CUTC: variants seen among roughly 807,000 people sequenced by gnomAD.
The protein encoded by CUTC is copper homeostasis protein cutC homolog.
Under a neutral mutation model 36.2 loss-of-function variants are expected in CUTC, and 27 were observed. That is an observed-to-expected ratio of 0.75 (90% CI 0.55 to 1.03). CUTC has a LOEUF of 1.03. Ranked by LOEUF, CUTC falls within the 50% of genes least tolerant of loss-of-function variation. The probability of loss-of-function intolerance (pLI) is 0.00; values close to 1 mark genes in which losing one functional copy is unlikely to be tolerated. For synonymous variants in CUTC, 114 were observed against 118.3 expected, an observed-to-expected ratio of 0.96 and a Z score of 0.24; for missense variants, 315 against 343.5, an observed-to-expected ratio of 0.92 and a Z score of 0.66.
Position 99,755,740 on chromosome 10 carries a change from C to T in CUTC, c.*1C>T, listed in dbSNP as rs1156647927. 1.3e-5 allele frequency: 20 copies of T among 1,577,334 alleles called. No individual in the cohort carries two copies. The highest frequency in any genetic ancestry group is 1.7e-5 in the Non-Finnish European group (19 of 1,147,306). The stretch of plus-strand genomic sequence containing the variant: ...TATCGCAAAGAACATCCTGGTGTAG[C>T]CAGACCTCTCTGAGAGACATGGATA... On this transcript the variant is annotated 3_prime_UTR_variant, in exon 9 of 9. Transcript: ENST00000370476.
intron 7 of CUTC, 146 bp from the exon 8 acceptor site, chr10:99,754,383 A>T (rs899670177): frequency 1.5e-6 from 1 of 647,932 alleles, no homozygotes; most frequent in African/African-American, 1.8e-5. Flanking sequence ...CTCTAATCTC[A>T]TTCTAGCTGG....
Position 99,754,600 on chromosome 10 carries a change from G to T in CUTC, c.673G>T (p.Ala225Ser), listed in dbSNP as rs1163350087. The change falls in exon 8 of 9, where the codon GCT becomes TCT. Residue 225 changes from alanine (A) to serine (S), a missense_variant. Physicochemically the swap from Ala to Ser is moderately conservative, Grantham distance 99. Transcript: ENST00000370476. Reference protein sequence around the residue: ...GSGATEFHCSARSTRDSGMKF... With the variant: ...GSGATEFHCSSRSTRDSGMKF... ...AGGTGCTACAGAATTCCACTGTTCT[G>T]CTCGGTCTACTAGAGACTCGGGAAT... 4.3e-6 allele frequency: 7 copies of T among 1,613,530 alleles called. No individual in the cohort carries two copies. Among genetic ancestry groups the T allele is most frequent in the Non-Finnish European group, 5.9e-6 (7 of 1,179,566 alleles).
intron 1 of CUTC, among the ~76,000 whole-genome samples, chr10:99,734,362 G>A (rs995836429): frequency 5.3e-5 from 8 of 151,982 alleles, no homozygotes; most frequent in Admixed American, 4.6e-4. Flanking sequence ...CCACCGCGCC[G>A]GACAGGGACT....
chr10:99,750,097 T>G (rs1173539851), intron 6 of CUTC, among the ~76,000 whole-genome samples: 1 of 151,884 alleles, frequency 6.6e-6, no homozygotes, highest in Admixed American at 6.6e-5. Flanking sequence ...TTATATACCA[T>G]CTTAATAGGT....
intron 1 of CUTC, 135 bp downstream of exon 1, chr10:99,732,544 T>G: frequency 6.8e-7 from 1 of 1,474,120 alleles, no homozygotes; most frequent in South Asian, 1.4e-5. Flanking sequence ...GCACCTTCTA[T>G]CTTTGAGGCG....
At chr10:99,753,967 A>T (rs1444427344) in intron 7 of CUTC, among the ~76,000 whole-genome samples, 2 of 152,362 alleles carry the variant, frequency 1.3e-5, no homozygotes, top group African/African-American at 4.8e-5. Context: ...TATTTAAAAG[A>T]TTGTTCATCA....
intron 1 of CUTC, among the ~76,000 whole-genome samples, chr10:99,734,239 T>G (rs1433006134): frequency 3.3e-5 from 5 of 152,052 alleles, no homozygotes; most frequent in Non-Finnish European, 5.9e-5. Flanking sequence ...CCGGCTAATT[T>G]ATATACTTTT....
At position 99,732,294 on chromosome 10, in the gene CUTC, G is replaced by C. The variant is rs1446932691; in HGVS notation, c.-55G>C. Reference sequence around the variant, plus strand: ...ACGCGCTTCTTAGCTGGTGCGCGCCGGAGCCCAAATTCCAAGTGGAAACTG... The same window carrying C: ...ACGCGCTTCTTAGCTGGTGCGCGCCCGAGCCCAAATTCCAAGTGGAAACTG... On this transcript the variant is annotated 5_prime_UTR_variant, in exon 1 of 9. Coordinates refer to ENST00000370476, the MANE Select transcript of CUTC (RefSeq NM_015960.3). 5 of 1,548,304 alleles carry C rather than the reference G, an allele frequency of 3.2e-6. No homozygotes were observed. The highest frequency in any genetic ancestry group is 4.4e-6 in the Non-Finnish European group (5 of 1,145,828).
intron 3 of CUTC, among the ~76,000 whole-genome samples, chr10:99,742,324 T>G (rs766332840): frequency 6.6e-6 from 1 of 152,158 alleles, no homozygotes; most frequent in South Asian, 2.1e-4. Context: ...ACTCTGAGGT[T>G]GATAATAGCA....
At chr10:99,737,528 G>A (rs999019091) in intron 2 of CUTC, among the ~76,000 whole-genome samples, 1 of 152,096 alleles carries the variant, frequency 6.6e-6, no homozygotes, top group African/African-American at 2.4e-5. Context: ...GGTTGTTTTG[G>A]GGATGATGAA....
At chr10:99,743,997 A>G in intron 4 of CUTC, 40 bp from the exon 5 acceptor site, 6 of 1,563,572 alleles carry the variant, frequency 3.8e-6, no homozygotes, top group Non-Finnish European at 5.3e-6. Context: ...ATCAGTGATG[A>G]CATCTTCATT....
chr10:99,752,100 C>T (rs1413288435), intron 7 of CUTC, among the ~76,000 whole-genome samples: 1 of 152,130 alleles, frequency 6.6e-6, no homozygotes, highest in Non-Finnish European at 1.5e-5. Flanking sequence ...AGTCTCTGGT[C>T]ATCTCACTAC....
intron 5 of CUTC, among the ~76,000 whole-genome samples, chr10:99,746,881 C>T (rs2037381251): frequency 6.6e-6 from 1 of 152,178 alleles, no homozygotes; most frequent in African/African-American, 2.4e-5. Flanking sequence ...AGGTGATCCT[C>T]CCATCTCAGC....
In CUTC at chr10:99,742,707, T is replaced by TA. The variant is rs75714060; in HGVS notation, c.194-430dup. Among the ~76,000 whole-genome samples the TA allele has an allele frequency of 4.7e-3, 633 of 134,434 alleles. 3 individuals carry two copies. Among genetic ancestry groups the TA allele is most frequent in the East Asian group, 0.02 (94 of 4,784 alleles). The allele number at this position is 134,434 out of a possible 152,430, so 88.2% of individuals were successfully genotyped here. On this transcript the variant is annotated intron_variant, in intron 3 of 8. Transcript: ENST00000370476. ...TTTGCTCCCTTTCACGTATCTTGTTTAAAAAAAAAAAAAAAAGGTTTTGCT... is the reference window on the plus strand; with the variant it reads ...TTTGCTCCCTTTCACGTATCTTGTTTAAAAAAAAAAAAAAAAAGGTTTTGCT...
At chr10:99,751,406 G>T (rs2037416516) in intron 7 of CUTC, among the ~76,000 whole-genome samples, 1 of 152,104 alleles carries the variant, frequency 6.6e-6, no homozygotes, top group Non-Finnish European at 1.5e-5. Flanking sequence ...TGGCCAGGCT[G>T]GACTTGAACT....
rs776488538 is a variant in CUTC, at chr10:99,736,237, GTATTT to G, written c.62-6_62-2del. 1 of 1,612,178 alleles carries G rather than the reference GTATTT, an allele frequency of 6.2e-7. No homozygotes were observed. Among genetic ancestry groups the G allele is most frequent in the Non-Finnish European group, 8.5e-7 (1 of 1,178,282 alleles). ...TTTATGAACTCTTACCATTCTCCAT[GTATTT>G]TAGGAGCAGCAAATGGATTTCTCAT... On this transcript the variant is annotated splice_region_variant and splice_polypyrimidine_tract_variant and intron_variant, in intron 1 of 8. Transcript: ENST00000370476.
chr10:99,739,700 T>C lies in CUTC; in HGVS notation c.134-10T>C. On this transcript the variant is annotated splice_polypyrimidine_tract_variant and intron_variant, in intron 2 of 8. Coordinates refer to ENST00000370476, the MANE Select transcript of CUTC (RefSeq NM_015960.3). ...TTAAAAATGTGTTGAGCAATGCTTT[T>C]ATATTACAGGTGCTGATCGGATTGA... 6.2e-7 allele frequency: 1 copy of C among 1,608,088 alleles called. No individual in the cohort carries two copies. The highest frequency in any genetic ancestry group is 8.5e-7 in the Non-Finnish European group (1 of 1,178,032).
intron 6 of CUTC, among the ~76,000 whole-genome samples, chr10:99,749,861 G>T (rs932643560): frequency 6.6e-6 from 1 of 151,736 alleles, no homozygotes; most frequent in African/African-American, 2.4e-5. Context: ...GCATTGTCTC[G>T]TCTTTCTTGA....
At position 99,755,662 on chromosome 10, in the gene CUTC, T is replaced by C; in HGVS notation, c.745T>C (p.Ser249Pro). ...TGCCATGGGAGCCTCACTTTCTTGC[T>C]CAGAATATTCCCTAAAGGTAACAGA... ...SVAMGASLSC[S>P]EYSLKVTDVT... The change falls in exon 9 of 9, where the codon TCA becomes CCA. Residue 249 changes from serine (S) to proline (P), a missense_variant. Ser to Pro is a moderately conservative substitution (Grantham distance 74). Coordinates refer to ENST00000370476, the MANE Select transcript of CUTC (RefSeq NM_015960.3). 6.2e-7 allele frequency: 1 copy of C among 1,613,850 alleles called. No homozygotes were observed. Among genetic ancestry groups the C allele is most frequent in the Non-Finnish European group, 8.5e-7 (1 of 1,179,796 alleles).
Sources: gnomAD v4.1 joint callset for allele counts (sites outside exome capture counted in the v4.1 genomes callset) on GRCh38, gnomAD v4.1.1 for gene constraint, MANE v1.5 for transcripts, NCBI Gene and HGNC (gene_info 2026-07-23, HGNC 2026-07-21) for gene names.